Variants in CHD9 observed in about 807,000 individuals in gnomAD.
The protein encoded by CHD9 is chromodomain helicase DNA binding protein 9.
Under a neutral mutation model 316.1 loss-of-function variants are expected in CHD9, and 77 were observed. The observed-to-expected ratio is 0.24, with a 90% CI of 0.20 to 0.29. CHD9 has a LOEUF of 0.29. Among genes scored for constraint, CHD9 ranks in the 10% least tolerant of loss-of-function variants. The pLI, the probability that CHD9 is intolerant of heterozygous loss-of-function variation, is 1.00. For synonymous variants in CHD9, 1,129 were observed against 1,158.3 expected, an observed-to-expected ratio of 0.97 and a Z score of 0.51; for missense variants, 2,763 against 3,438.1, an observed-to-expected ratio of 0.80 and a Z score of 4.91.
chr16:53,227,947 G>A (rs991634716), intron 7 of CHD9, among the ~76,000 whole-genome samples: 2 of 152,096 alleles, frequency 1.3e-5, no homozygotes, highest in East Asian at 1.9e-4. Context: ...TTAGCTTGGT[G>A]TGGTGGCACG....
intron 3 of CHD9, among the ~76,000 whole-genome samples, chr16:53,213,471 A>T (rs535812714): frequency 2.6e-5 from 4 of 152,336 alleles, no homozygotes; most frequent in African/African-American, 9.6e-5. Flanking sequence ...GGATGGATGG[A>T]TGGATGGAAA....
chr16:53,153,536 C>T (rs368811468), intron 1 of CHD9, among the ~76,000 whole-genome samples: 47 of 151,984 alleles, frequency 3.1e-4, no homozygotes, highest in African/African-American at 7.0e-4. Context: ...GTTTTTTCTT[C>T]GTTTGTTTTG....
At chr16:53,074,062 A>C (rs2034318068) in intron 1 of CHD9, among the ~76,000 whole-genome samples, 1 of 152,226 alleles carries the variant, frequency 6.6e-6, no homozygotes, top group Non-Finnish European at 1.5e-5. Context: ...AATGATATGG[A>C]CAATGAAATC....
chr16:53,099,867 G>A (rs2036697947), intron 1 of CHD9, among the ~76,000 whole-genome samples: 1 of 152,258 alleles, frequency 6.6e-6, no homozygotes, highest in African/African-American at 2.4e-5. Context: ...GCCCCGGGCA[G>A]CGGGAGGGGG....
At chr16:53,319,319 C>G (rs1325925038) in intron 37 of CHD9, among the ~76,000 whole-genome samples, 2 of 152,144 alleles carry the variant, frequency 1.3e-5, no homozygotes, top group East Asian at 3.8e-4. Flanking sequence ...TAAATGCACT[C>G]ACTGCTAGGA....
intron 1 of CHD9, among the ~76,000 whole-genome samples, chr16:53,136,164 A>G (rs920472549): frequency 1.3e-5 from 2 of 152,186 alleles, no homozygotes; most frequent in Non-Finnish European, 2.9e-5. Context: ...ACAATTTGGC[A>G]TTATGAAGTT....
intron 2 of CHD9, among the ~76,000 whole-genome samples, chr16:53,196,305 T>C (rs1337653829): frequency 2.0e-5 from 3 of 152,190 alleles, no homozygotes; most frequent in African/African-American, 4.8e-5. Flanking sequence ...ATGTTGCTCT[T>C]TTGTAACCAA....
chr16:53,301,667 T>C (rs2055432066), intron 30 of CHD9, among the ~76,000 whole-genome samples: 1 of 152,124 alleles, frequency 6.6e-6, no homozygotes, highest in South Asian at 2.1e-4. Flanking sequence ...TTTTTTCAAA[T>C]TTTTTTGTTT....
chr16:53,178,427 C>CTTTTTTTTTTT (rs10569589), intron 2 of CHD9, among the ~76,000 whole-genome samples: 1 of 98,972 alleles, frequency 1.0e-5, no homozygotes, highest in Non-Finnish European at 2.1e-5. Flanking sequence ...TTGTTGGTTT[C>CTTTTTTTTTTT]TTTTTTTTTT....
intron 2 of CHD9, among the ~76,000 whole-genome samples, chr16:53,204,261 T>C (rs1307317570): frequency 6.6e-6 from 1 of 151,944 alleles, no homozygotes; most frequent in African/African-American, 2.4e-5. Context: ...TCTACTTATA[T>C]CCACACACTA....
At chr16:53,286,196 T>A (rs775486762) in intron 25 of CHD9, 30 bp from the exon 26 acceptor site, 3 of 1,323,004 alleles carry the variant, frequency 2.3e-6, no homozygotes, top group Non-Finnish European at 2.2e-6. Context: ...TTTTTATCTT[T>A]TTTACTTTTG....
chr16:53,201,468 G>C (rs1485613294), intron 2 of CHD9, among the ~76,000 whole-genome samples: 1 of 152,012 alleles, frequency 6.6e-6, no homozygotes. Flanking sequence ...AATTCCTTCA[G>C]CATGAAGTCT....
Position 53,245,332 on chromosome 16 carries a change from G to A in CHD9, c.3055-4G>A, listed in dbSNP as rs1460710425. ...TTGATGTGAATTGTTCTCACTTTTT[G>A]TAGGAACACAAGGTGCTTTTGACTG... On this transcript the variant is annotated splice_polypyrimidine_tract_variant and splice_region_variant and intron_variant, in intron 13 of 38. Coordinates refer to ENST00000447540, the MANE Select transcript of CHD9 (RefSeq NM_001308319.2). The surrounding 1 kb of genome is among the most constrained non-coding windows in gnomAD (Gnocchi z 4.1). 6.0e-6 allele frequency: 9 copies of A among 1,508,090 alleles called. No homozygotes were observed. Among genetic ancestry groups the A allele is most frequent in the African/African-American group, 4.2e-5 (3 of 70,918 alleles). 93.4% of individuals were successfully genotyped at this position (1,508,090 alleles called of 1,614,324 possible). A position where few individuals can be genotyped will look rare whatever the true frequency, so the allele number is the denominator to read the frequency against.
At chr16:53,213,285 G>A (rs1034734669) in intron 3 of CHD9, among the ~76,000 whole-genome samples, 1 of 152,184 alleles carries the variant, frequency 6.6e-6, no homozygotes, top group Non-Finnish European at 1.5e-5. Context: ...AATGGAAATG[G>A]CAGGTGCAAA....
chr16:53,204,165 C>G (rs893047378), intron 2 of CHD9, among the ~76,000 whole-genome samples: 1 of 150,384 alleles, frequency 6.6e-6, no homozygotes, highest in South Asian at 2.1e-4. Context: ...CTTCACCACC[C>G]CAGCCTGCCA....
intron 1 of CHD9, among the ~76,000 whole-genome samples, chr16:53,141,780 A>G (rs772270052): frequency 7.2e-5 from 11 of 152,220 alleles, no homozygotes; most frequent in Non-Finnish European, 1.2e-4. Context: ...TGAGTGTATA[A>G]TAACTTGAAG....
intron 1 of CHD9, among the ~76,000 whole-genome samples, chr16:53,059,714 CTT>C (rs1165699046): frequency 6.6e-6 from 1 of 152,196 alleles, no homozygotes; most frequent in Non-Finnish European, 1.5e-5. Context: ...CATCAGCAAA[CTT>C]TTTCTGTAAA....
At chr16:53,269,067 G>A (rs1433387161) in intron 22 of CHD9, among the ~76,000 whole-genome samples, 2 of 151,846 alleles carry the variant, frequency 1.3e-5, no homozygotes, top group Non-Finnish European at 2.9e-5. Context: ...TCAGCCACCC[G>A]AAGTGCTGGG....
At position 53,187,627 on chromosome 16, in the gene CHD9, T is replaced by C. The variant is rs200503991; in HGVS notation, c.1453-21855T>C. Among the ~76,000 whole-genome samples the C allele has an allele frequency of 7.2e-5, 11 of 152,246 alleles. No individual in the cohort carries two copies. In the East Asian group the frequency reaches 2.1e-3, roughly 29 times the overall value. Reference sequence around the variant, plus strand: ...GGAATTAAAGAAAGATAATCAGATTTAAGACTTTGTAATGTTCCTGAATTC... The same window carrying C: ...GGAATTAAAGAAAGATAATCAGATTCAAGACTTTGTAATGTTCCTGAATTC... On this transcript the variant is annotated intron_variant, in intron 2 of 38. Coordinates refer to ENST00000447540, the MANE Select transcript of CHD9 (RefSeq NM_001308319.2).
Sources: gnomAD v4.1 joint callset for allele counts (sites outside exome capture counted in the v4.1 genomes callset) on GRCh38, gnomAD v4.1.1 for gene constraint, Gnocchi (gnomAD v3.1) non-coding constraint, MANE v1.5 for transcripts, NCBI Gene and HGNC (gene_info 2026-07-23, HGNC 2026-07-21) for gene names.